The following SNAPC5 variants were observed in gnomAD, a reference collection of about 807,000 sequenced individuals.
SNAPC5 encodes small nuclear RNA activating complex polypeptide 5, also known as snRNA-activating protein complex subunit 5.
A neutral mutation model predicts 9.1 loss-of-function variants in SNAPC5; 12 were observed. The ratio of observed to expected loss-of-function variants is 1.32; its 90% confidence interval spans 0.85 to 2.15. The LOEUF (loss-of-function observed/expected upper bound fraction) is 2.15, where lower values mean the gene tolerates loss of function less well. SNAPC5 is among the 30% of genes most tolerant of loss of function. The probability of loss-of-function intolerance (pLI) is 0.00; values close to 1 mark genes in which losing one functional copy is unlikely to be tolerated. For missense variants in SNAPC5, 132 were observed against 114.4 expected, an observed-to-expected ratio of 1.15 and a Z score of -0.70; for synonymous variants, 52 against 47.3, an observed-to-expected ratio of 1.10 and a Z score of -0.41.
chr15:66,494,513 TTTGG>T lies in SNAPC5; in HGVS notation c.216_219del (p.Asn72LysfsTer6), dbSNP rs1287905021. 1 of 1,613,966 alleles carries T rather than the reference TTTGG, an allele frequency of 6.2e-7. No individual in the cohort carries two copies. The highest frequency in any genetic ancestry group is 2.2e-5 in the East Asian group (1 of 44,896). ...CTCTTTGTGCTCAGCTCCAGGGTTG[TTTGG>T]TTGATTGATGCTTCATTGTCTACAT... On this transcript the variant is annotated frameshift_variant, in exon 3 of 3. Transcript: ENST00000316634. LOFTEE classifies it high-confidence loss of function.
At chr15:66,492,791 T>C (rs930909632), downstream of SNAPC5, among the ~76,000 whole-genome samples, 1 of 152,160 alleles carries the variant, frequency 6.6e-6, no homozygotes, top group African/African-American at 2.4e-5. Flanking sequence ...CCAATGATAG[T>C]TGGATTTTTA....
downstream of SNAPC5, chr15:66,489,917 T>A: frequency 2.7e-6 from 2 of 754,204 alleles, no homozygotes; most frequent in South Asian, 2.8e-5. Context: ...CCAGTCTCCT[T>A]TGCTCTCCCA....
chr15:66,490,105 C>A (rs1310176227), downstream of SNAPC5: 5 of 525,938 alleles, frequency 9.5e-6, no homozygotes, highest in Non-Finnish European at 1.7e-5. Flanking sequence ...TCACTCTCCG[C>A]CTGCTGTCTC....
intron 2 of SNAPC5, among the ~76,000 whole-genome samples, 187 bp from the exon 3 acceptor site, chr15:66,494,739 C>T (rs1187201260): frequency 1.3e-5 from 2 of 152,162 alleles, no homozygotes; most frequent in Non-Finnish European, 2.9e-5. Context: ...AGTAAATGCC[C>T]CAGATTCAGT....
Position 66,494,030 on chromosome 15 carries a change from C to T in SNAPC5, c.*406G>A, listed in dbSNP as rs386472837. 2.8e-3 allele frequency: 531 copies of T among 191,496 alleles called. 4 individuals are homozygous for T. Among genetic ancestry groups the T allele is most frequent in the Non-Finnish European group, 4.0e-3 (367 of 92,108 alleles). The allele number at this position is 191,496 out of a possible 1,614,324, so 11.9% of individuals were successfully genotyped here. On this transcript the variant is annotated 3_prime_UTR_variant, in exon 3 of 3. Coordinates refer to ENST00000316634, the MANE Select transcript of SNAPC5 (RefSeq NM_001329615.2). ...GTCCTAACTGCTCACAAGGGTTCAG[C>T]GGCATGCAAACAGTCTTTAATTGGT... is the stretch of plus-strand genomic sequence containing the variant.
downstream of SNAPC5, chr15:66,491,857 G>A (rs368747558): frequency 3.5e-5 from 15 of 426,600 alleles, no homozygotes; most frequent in Non-Finnish European, 6.6e-5. Flanking sequence ...GGGACTGGGA[G>A]CAAATCTGAG....
At position 66,497,632 on chromosome 15, in the gene SNAPC5, G is replaced by A. The variant is rs1893485460; in HGVS notation, c.90+10C>T. ...AATGGAGGAGGGGCAGGAGAGGGCC[G>A]CGGGGTCACCTTGAGGCGGTTCAGC... On this transcript the variant is annotated intron_variant, in intron 1 of 2. Coordinates refer to ENST00000316634, the MANE Select transcript of SNAPC5 (RefSeq NM_001329615.2). The A allele has an allele frequency of 6.2e-7, 1 of 1,613,082 alleles. No individual in the cohort carries two copies. Among genetic ancestry groups the A allele is most frequent in the Middle Eastern group, 1.7e-4 (1 of 6,046 alleles).
downstream of SNAPC5, chr15:66,490,100 C>G (rs992830999): frequency 5.7e-6 from 3 of 530,334 alleles, no homozygotes; most frequent in African/African-American, 5.7e-5. Context: ...CAGAGTCACT[C>G]TCCGCCTGCT....
downstream of SNAPC5, chr15:66,490,382 A>T: frequency 1.3e-6 from 1 of 795,806 alleles, no homozygotes; most frequent in East Asian, 2.4e-5. Flanking sequence ...GGCAGGTGCC[A>T]GGTGCTCTTT....
At chr15:66,497,278 G>A (rs1417101781) in intron 1 of SNAPC5, among the ~76,000 whole-genome samples, 1 of 152,194 alleles carries the variant, frequency 6.6e-6, no homozygotes, top group African/African-American at 2.4e-5. Context: ...CAGGAGGAAG[G>A]GGTCGGTGGC....
At chr15:66,490,243 T>G, downstream of SNAPC5, 1 of 614,026 alleles carries the variant, frequency 1.6e-6, no homozygotes, top group Admixed American at 2.6e-5. Context: ...CTGTGAGGCA[T>G]TTAAGGCAGA....
At chr15:66,490,313 G>A (rs1319185803), downstream of SNAPC5, 34 of 699,130 alleles carry the variant, frequency 4.9e-5, no homozygotes, top group Admixed American at 6.6e-4. Flanking sequence ...AGGCCTCACA[G>A]CTGCTGTGAC....
Position 66,497,637 on chromosome 15 carries a change from G to A in SNAPC5, c.90+5C>T, listed in dbSNP as rs764996977. On this transcript the variant is annotated splice_donor_5th_base_variant and intron_variant, in intron 1 of 2. Coordinates refer to ENST00000316634, the MANE Select transcript of SNAPC5 (RefSeq NM_001329615.2). ...AGGAGGGGCAGGAGAGGGCCGCGGG[G>A]TCACCTTGAGGCGGTTCAGCTGGTC... is the stretch of plus-strand genomic sequence containing the variant. 4 of 1,613,546 alleles carry A rather than the reference G, an allele frequency of 2.5e-6. No individual in the cohort carries two copies. Among genetic ancestry groups the A allele is most frequent in the African/African-American group, 1.3e-5 (1 of 74,924 alleles).
At chr15:66,495,835 TC>T (rs1946194156) in intron 1 of SNAPC5, among the ~76,000 whole-genome samples, 1 of 152,208 alleles carries the variant, frequency 6.6e-6, no homozygotes, top group Non-Finnish European at 1.5e-5. Flanking sequence ...CATAAGGAAA[TC>T]TGGGCTTTGG....
chr15:66,491,962 A>G (rs980714432), downstream of SNAPC5: 4 of 456,530 alleles, frequency 8.8e-6, no homozygotes, highest in African/African-American at 4.0e-5. Context: ...TTAGGCTGTC[A>G]TGCTCATAGG....
At chr15:66,492,115 A>G (rs980609844), downstream of SNAPC5, 1 of 453,402 alleles carries the variant, frequency 2.2e-6, no homozygotes, top group Non-Finnish European at 4.4e-6. Context: ...GGAAAGGAGG[A>G]ATGTGCCTGG....
chr15:66,495,741 G>A (rs1893407862), intron 1 of SNAPC5, among the ~76,000 whole-genome samples: 1 of 152,152 alleles, frequency 6.6e-6, no homozygotes, highest in Non-Finnish European at 1.5e-5. Context: ...TCCTCAGAGA[G>A]AGAGATTCCC....
downstream of SNAPC5, among the ~76,000 whole-genome samples, chr15:66,492,617 A>C (rs547119141): frequency 6.6e-6 from 1 of 152,324 alleles, no homozygotes; most frequent in East Asian, 1.9e-4. Flanking sequence ...CCTTAGAAGA[A>C]ATGTTATAAC....
At chr15:66,490,963 C>T (rs1893237801), downstream of SNAPC5, 4 of 439,714 alleles carry the variant, frequency 9.1e-6, no homozygotes, top group African/African-American at 2.0e-5. Flanking sequence ...GGCTGTCTGC[C>T]TGTATTTTCG....
Sources: allele counts gnomAD v4.1 joint callset (sites outside exome capture counted in the v4.1 genomes callset), GRCh38; gene constraint gnomAD v4.1.1; transcripts MANE v1.5; gene names NCBI Gene and HGNC (gene_info 2026-07-23, HGNC 2026-07-21).